Variants in SSBP3 observed in about 807,000 individuals in gnomAD.
SSBP3 encodes the protein single stranded DNA binding protein 3.
SSBP3 carries 5 observed loss-of-function variants against 69.6 expected under a neutral mutation model. That is an observed-to-expected ratio of 0.07 (90% confidence interval 0.04 to 0.15). SSBP3 has a LOEUF of 0.15. Ranked by LOEUF, SSBP3 falls within the 10% of genes least tolerant of loss-of-function variation. The pLI is 1.00. For missense variants in SSBP3, 312 were observed against 534.0 expected (o/e 0.58, Z 4.10); for synonymous variants, 196 against 193.4 (o/e 1.01, Z -0.11).
At chr1:54,228,870 C>T (rs961333446) in intron 14 of SSBP3, 44 bp from the exon 15 acceptor site, 18 of 1,580,600 alleles carry the variant, frequency 1.1e-5, no homozygotes, top group Non-Finnish European at 1.5e-5. Context: ...GGGCCCTGGC[C>T]CTCTGCACCC....
intron 13 of SSBP3, among the ~76,000 whole-genome samples, chr1:54,240,667 G>A (rs540636327): frequency 1.3e-5 from 2 of 152,238 alleles, no homozygotes; most frequent in Admixed American, 6.5e-5. Context: ...CAAAGGCAAC[G>A]AGAATCCCTG....
intron 4 of SSBP3, among the ~76,000 whole-genome samples, chr1:54,319,221 C>G (rs776356720): frequency 1.3e-5 from 2 of 152,114 alleles, no homozygotes; most frequent in Non-Finnish European, 1.5e-5. Flanking sequence ...TGAGGCTCAG[C>G]GAAGAGCTAA....
At chr1:54,396,365 GATTA>G (rs1648888063) in intron 4 of SSBP3, among the ~76,000 whole-genome samples, 1 of 152,074 alleles carries the variant, frequency 6.6e-6, no homozygotes, top group Admixed American at 6.5e-5. Context: ...AGCTAAAAAA[GATTA>G]ATTTTTCTAA....
At chr1:54,401,267 C>A (rs2100812287) in intron 4 of SSBP3, among the ~76,000 whole-genome samples, 1 of 152,252 alleles carries the variant, frequency 6.6e-6, no homozygotes, top group Admixed American at 6.5e-5. Context: ...GAACTACAAT[C>A]TGATGTTAAC....
chr1:54,383,103 G>A (rs1647802592), intron 4 of SSBP3, among the ~76,000 whole-genome samples: 1 of 152,130 alleles, frequency 6.6e-6, no homozygotes. Flanking sequence ...GCTGGGCACA[G>A]TGGCTCATGC....
chr1:54,273,716 A>G (rs1370265262), intron 5 of SSBP3, among the ~76,000 whole-genome samples: 5 of 152,232 alleles, frequency 3.3e-5, no homozygotes, highest in Non-Finnish European at 2.9e-5. Context: ...AGCTAAGGCC[A>G]AGAGAGAGAA....
chr1:54,247,145 C>T (rs946448552), intron 9 of SSBP3, among the ~76,000 whole-genome samples: 4 of 152,234 alleles, frequency 2.6e-5, no homozygotes, highest in African/African-American at 7.2e-5. Context: ...CTGTCTGGGG[C>T]TGCAGCCTGG....
At chr1:54,384,575 A>G (rs1647938602) in intron 4 of SSBP3, among the ~76,000 whole-genome samples, 1 of 152,258 alleles carries the variant, frequency 6.6e-6, no homozygotes, top group Non-Finnish European at 1.5e-5. Context: ...AAACTGAGAC[A>G]TGAAAAATAA....
intron 14 of SSBP3, chr1:54,236,983 T>C (rs1365179405): frequency 6.6e-6 from 1 of 152,254 alleles, no homozygotes; most frequent in African/African-American, 2.4e-5. Flanking sequence ...CTGTGTACTG[T>C]CTGCCAAATA....
chr1:54,364,291 T>C (rs1157459639), intron 4 of SSBP3, among the ~76,000 whole-genome samples: 1 of 152,210 alleles, frequency 6.6e-6, no homozygotes, highest in Non-Finnish European at 1.5e-5. Flanking sequence ...ATAGAAAAAG[T>C]TGGCCAAACC....
At chr1:54,389,136 T>C (rs1410170109) in intron 4 of SSBP3, among the ~76,000 whole-genome samples, 2 of 152,216 alleles carry the variant, frequency 1.3e-5, no homozygotes, top group Non-Finnish European at 2.9e-5. Context: ...TGTGCTCACG[T>C]TGGTTCCCCT....
At chr1:54,250,035 G>A (rs1174615456) in intron 9 of SSBP3, among the ~76,000 whole-genome samples, 1 of 152,250 alleles carries the variant, frequency 6.6e-6, no homozygotes, top group Admixed American at 6.5e-5. Flanking sequence ...GGCTTAGGCT[G>A]TGGGGAGGGA....
At chr1:54,240,472 A>AAAGG (rs1553123335) in intron 13 of SSBP3, among the ~76,000 whole-genome samples, 1 of 63,350 alleles carries the variant, frequency 1.6e-5, no homozygotes, top group African/African-American at 6.0e-5. Context: ...GAAAAAAAAA[A>AAAGG]GGGGGGGGGG....
chr1:54,285,390 A>G (rs1006740211), intron 4 of SSBP3: 2 of 152,212 alleles, frequency 1.3e-5, no homozygotes, highest in African/African-American at 2.4e-5. Flanking sequence ...ACCCTCCTGC[A>G]GCTCAACGGC....
At chr1:54,287,411 C>G (rs1049164727) in intron 4 of SSBP3, 1 of 152,264 alleles carries the variant, frequency 6.6e-6, no homozygotes, top group Non-Finnish European at 1.5e-5. Flanking sequence ...GGCCCAGGGC[C>G]CAAAACACCA....
chr1:54,326,983 G>A (rs1646316170), intron 4 of SSBP3, among the ~76,000 whole-genome samples: 1 of 151,934 alleles, frequency 6.6e-6, no homozygotes, highest in Non-Finnish European at 1.5e-5. Context: ...GGTGGGTGGG[G>A]GGTGCCCAAG....
intron 4 of SSBP3, among the ~76,000 whole-genome samples, chr1:54,316,331 A>G (rs1344455749): frequency 1.4e-5 from 2 of 144,034 alleles, no homozygotes; most frequent in African/African-American, 5.2e-5. Flanking sequence ...CGACAGAGCG[A>G]GACTCTGTCT....
chr1:54,276,543 G>A (rs1271668470), intron 5 of SSBP3, among the ~76,000 whole-genome samples: 3 of 144,252 alleles, frequency 2.1e-5, no homozygotes, highest in East Asian at 2.1e-4. Context: ...CCCGGGAGGC[G>A]GAGGTTGCAG....
chr1:54,256,944 C>T (rs1412501770), intron 7 of SSBP3, among the ~76,000 whole-genome samples, 183 bp downstream of exon 7: 1 of 152,176 alleles, frequency 6.6e-6, no homozygotes, highest in East Asian at 1.9e-4. Context: ...AGGTGAACTG[C>T]CGCACCATGG....
Sources: gnomAD v4.1 joint callset for allele counts (sites outside exome capture counted in the v4.1 genomes callset) on GRCh38, gnomAD v4.1.1 for gene constraint, MANE v1.5 for transcripts, NCBI Gene and HGNC (gene_info 2026-07-23, HGNC 2026-07-21) for gene names.